Variants in MMP16 observed in about 807,000 individuals in gnomAD.
MMP16 encodes the protein matrix metallopeptidase 16.
A neutral mutation model predicts 67.8 loss-of-function variants in MMP16; 12 were observed. The ratio of observed to expected loss-of-function variants is 0.18; its 90% CI spans 0.11 to 0.29. The LOEUF (loss-of-function observed/expected upper bound fraction) is 0.29, where lower values mean the gene tolerates loss of function less well. Ranked by LOEUF, MMP16 falls within the 10% of genes least tolerant of loss-of-function variation. The pLI is 1.00. For synonymous variants in MMP16, 249 were observed against 255.9 expected (o/e 0.97, Z 0.26); for missense variants, 475 against 765.7 (o/e 0.62, Z 4.48).
chr8:88,157,396 C>T (rs1808528515), intron 4 of MMP16, among the ~76,000 whole-genome samples: 1 of 152,020 alleles, frequency 6.6e-6, no homozygotes, highest in East Asian at 1.9e-4. Context: ...GGGACTTGAG[C>T]ATCTGTGCAT....
At chr8:88,216,698 T>C (rs1263579469) in intron 1 of MMP16, among the ~76,000 whole-genome samples, 2 of 152,102 alleles carry the variant, frequency 1.3e-5, no homozygotes, top group African/African-American at 2.4e-5. Context: ...CATAATTATA[T>C]TTTGTTAAAT....
chr8:88,121,917 T>TA lies in MMP16; in HGVS notation c.710-3057dup, dbSNP rs546785659. Among the ~76,000 whole-genome samples the TA allele has an allele frequency of 7.6e-3, 1,160 of 152,136 alleles. 5 individuals are homozygous for TA. The highest frequency in any genetic ancestry group is 0.013 in the Non-Finnish European group (860 of 67,978). On this transcript the variant is annotated intron_variant, in intron 4 of 9. Transcript: ENST00000286614. ...TTCTCCGCTGACATATCCTGAATGTTAAAAAATGATCATGTAATATTTTAT... is the reference window on the plus strand; with the variant it reads ...TTCTCCGCTGACATATCCTGAATGTTAAAAAAATGATCATGTAATATTTTAT...
chr8:88,277,989 A>C (rs1234243894), intron 1 of MMP16, among the ~76,000 whole-genome samples: 1 of 152,240 alleles, frequency 6.6e-6, no homozygotes, highest in African/African-American at 2.4e-5. Context: ...TTTATTTGGC[A>C]TCTTCGATGA....
At chr8:88,099,014 C>T (rs1809084435) in intron 6 of MMP16, among the ~76,000 whole-genome samples, 1 of 151,296 alleles carries the variant, frequency 6.6e-6, no homozygotes, top group Admixed American at 6.6e-5. Context: ...CCATTTTTTT[C>T]CTTAGAAATA....
chr8:88,244,799 T>C (rs1279250283), intron 1 of MMP16, among the ~76,000 whole-genome samples: 3 of 152,184 alleles, frequency 2.0e-5, no homozygotes, highest in African/African-American at 7.2e-5. Context: ...TACAAAATTA[T>C]GTTAGAGAAA....
intron 1 of MMP16, among the ~76,000 whole-genome samples, chr8:88,211,438 G>C (rs1362070527): frequency 6.6e-6 from 1 of 152,124 alleles, no homozygotes; most frequent in Non-Finnish European, 1.5e-5. Context: ...TTGTTATCAA[G>C]GAGTTCATAG....
chr8:88,295,951 A>G (rs1237211661), intron 1 of MMP16, among the ~76,000 whole-genome samples: 1 of 152,226 alleles, frequency 6.6e-6, no homozygotes, highest in Non-Finnish European at 1.5e-5. Flanking sequence ...AAAATAAGAA[A>G]AATCAAATAA....
chr8:88,050,800 T>C (rs1808260939), intron 8 of MMP16, among the ~76,000 whole-genome samples: 1 of 152,220 alleles, frequency 6.6e-6, no homozygotes, highest in Non-Finnish European at 1.5e-5. Context: ...ATAGCTTTCC[T>C]TTCTTGCTTA....
intron 4 of MMP16, among the ~76,000 whole-genome samples, chr8:88,151,197 AC>A (rs1262135210): frequency 1.8e-5 from 2 of 111,552 alleles, no homozygotes; most frequent in African/African-American, 3.6e-5. Context: ...ATACAGGAGC[AC>A]CCAGATTCAT....
intron 3 of MMP16, among the ~76,000 whole-genome samples, chr8:88,180,138 T>C (rs1226375985): frequency 1.3e-5 from 2 of 151,586 alleles, no homozygotes; most frequent in African/African-American, 4.8e-5. Context: ...AAAATTAGCC[T>C]GGCATGGTGG....
chr8:88,100,616 C>A (rs1050022278), intron 6 of MMP16, among the ~76,000 whole-genome samples: 1 of 152,002 alleles, frequency 6.6e-6, no homozygotes, highest in Non-Finnish European at 1.5e-5. Context: ...ACCCAGCCAT[C>A]CCATTACTGG....
At chr8:88,204,298 G>A (rs1257380964) in intron 1 of MMP16, among the ~76,000 whole-genome samples, 1 of 152,126 alleles carries the variant, frequency 6.6e-6, no homozygotes, top group Non-Finnish European at 1.5e-5. Context: ...AGAATTGAGG[G>A]ATAGCATTAC....
At chr8:88,136,694 TTCA>T (rs1808124529) in intron 4 of MMP16, among the ~76,000 whole-genome samples, 1 of 151,634 alleles carries the variant, frequency 6.6e-6, no homozygotes, top group Non-Finnish European at 1.5e-5. Context: ...ATAAAATGAA[TTCA>T]TATTTAATAT....
At chr8:88,161,867 G>A (rs1808630156) in intron 4 of MMP16, among the ~76,000 whole-genome samples, 1 of 152,064 alleles carries the variant, frequency 6.6e-6, no homozygotes, top group African/African-American at 2.4e-5. Context: ...GAGTGGTTCT[G>A]AGTGAGTTTC....
chr8:88,277,177 T>G (rs1302796331), intron 1 of MMP16, among the ~76,000 whole-genome samples: 1 of 152,218 alleles, frequency 6.6e-6, no homozygotes, highest in Non-Finnish European at 1.5e-5. Context: ...TTTTACATAT[T>G]AATTGTTATT....
At chr8:88,208,499 T>C (rs184050270) in intron 1 of MMP16, among the ~76,000 whole-genome samples, 117 of 152,254 alleles carry the variant, frequency 7.7e-4, no homozygotes, top group Non-Finnish European at 1.2e-3. Flanking sequence ...AATCCAACAC[T>C]GAAGGTGTCA....
chr8:88,176,932 A>T (rs28907587), intron 3 of MMP16, among the ~76,000 whole-genome samples: 1,549 of 152,324 alleles, frequency 0.01, 23 homozygotes, highest in Non-Finnish European at 0.013. Context: ...ATACAAAAAA[A>T]GTCTTACTGG....
chr8:88,230,695 T>C (rs7822452), intron 1 of MMP16, among the ~76,000 whole-genome samples: 5,044 of 152,194 alleles, frequency 0.033, 263 homozygotes, highest in African/African-American at 0.11. Flanking sequence ...CATTAAAAAA[T>C]AGTAGCAATG....
At chr8:88,044,506 T>C (rs1291907397) in intron 9 of MMP16, among the ~76,000 whole-genome samples, 3 of 152,226 alleles carry the variant, frequency 2.0e-5, no homozygotes, top group African/African-American at 7.2e-5. Flanking sequence ...GTATTTGTAT[T>C]TTTTTCCTTT....
Sources: allele counts gnomAD v4.1 joint callset (sites outside exome capture counted in the v4.1 genomes callset), GRCh38; gene constraint gnomAD v4.1.1; transcripts MANE v1.5; gene names NCBI Gene and HGNC (gene_info 2026-07-23, HGNC 2026-07-21).